RANBP2: variants seen among roughly 807,000 people sequenced by gnomAD.
RANBP2 encodes the protein E3 SUMO-protein ligase RanBP2.
RANBP2 carries 57 observed loss-of-function variants against 303.6 expected under a neutral mutation model. That is an observed-to-expected ratio of 0.19 (90% CI 0.15 to 0.23). The LOEUF is 0.23. RANBP2 is among the 10% of genes least tolerant of loss of function. The pLI is 1.00. For missense variants in RANBP2, 3,138 were observed against 3,780.8 expected, an observed-to-expected ratio of 0.83 and a Z score of 4.46; for synonymous variants, 1,167 against 1,301.5, an observed-to-expected ratio of 0.90 and a Z score of 2.23.
At chr2:109,302,937 C>G in the RANBP2 span, among the ~76,000 whole-genome samples, 1 of 152,092 alleles carries the variant, frequency 6.6e-6, no homozygotes, top group African/African-American at 2.4e-5. Flanking sequence ...AGTGCAGTGG[C>G]ATGATCTTAG....
the RANBP2 span, among the ~76,000 whole-genome samples, chr2:109,264,008 C>T: frequency 1.3e-5 from 2 of 152,196 alleles, no homozygotes; most frequent in Non-Finnish European, 2.9e-5. Context: ...AAGTCATTCC[C>T]TGGTCAGGAC....
Position 108,765,556 on chromosome 2 carries a change from G to A in RANBP2, c.5017G>A (p.Val1673Met). ...TKKEGQWDCS[V>M]CLVRNEASAT... is the part of the protein sequence containing the mutation. ...GAAGGAGGGACAGTGGGATTGCAGT[G>A]TGTGCTTAGTAAGAAATGAAGCCAG... is the stretch of plus-strand genomic sequence containing the variant. Residue 1673 changes from valine to methionine, a missense_variant, in exon 20 of 29, where the codon GTG (valine) becomes ATG (methionine). Val to Met is a conservative substitution (Grantham distance 21). Around this residue, in one of 20 missense-constraint regions of RANBP2, gnomAD observed 51 missense variants for 112.1 expected, o/e 0.45. Coordinates refer to ENST00000283195, the MANE Select transcript of RANBP2 (RefSeq NM_006267.5). 6.5e-7 allele frequency: 1 copy of A among 1,540,866 alleles called. No individual in the cohort carries two copies. Among genetic ancestry groups the A allele is most frequent in the Non-Finnish European group, 8.7e-7 (1 of 1,147,728 alleles).
the RANBP2 span, among the ~76,000 whole-genome samples, chr2:109,413,463 A>C: frequency 6.6e-6 from 1 of 152,098 alleles, no homozygotes; most frequent in Non-Finnish European, 1.5e-5. Context: ...CCGGGGCTAC[A>C]GGCTTTTTTT....
At chr2:109,179,265 G>A in the RANBP2 span, among the ~76,000 whole-genome samples, 955 of 152,232 alleles carry the variant, frequency 6.3e-3, 15 homozygotes, top group African/African-American at 0.02. Flanking sequence ...TGATTCTGGA[G>A]GTGATGGCCA....
At chr2:109,701,467 A>C in the RANBP2 span, among the ~76,000 whole-genome samples, 2 of 152,182 alleles carry the variant, frequency 1.3e-5, no homozygotes, top group Non-Finnish European at 2.9e-5. Flanking sequence ...GTAAGTCAGG[A>C]AGTGGGGGGC....
the RANBP2 span, among the ~76,000 whole-genome samples, chr2:108,954,910 C>T: frequency 6.6e-6 from 1 of 152,112 alleles, no homozygotes; most frequent in Non-Finnish European, 1.5e-5. Flanking sequence ...CCTTGAACTC[C>T]TGACCTCAGG....
At chr2:109,129,521 C>T in the RANBP2 span, 100,345 of 1,496,130 alleles carry the variant, frequency 0.067, 3,679 homozygotes, top group East Asian at 0.12. Flanking sequence ...CCGCGCGAGA[C>T]CGCTGCGGGC....
chr2:108,735,686 A>G lies in RANBP2; in HGVS notation c.560A>G (p.His187Arg), dbSNP rs2693122. 1.1e-4 allele frequency: 177 copies of G among 1,597,436 alleles called. No individual in the cohort carries two copies. The highest frequency in any genetic ancestry group is 2.2e-4 in the Middle Eastern group (1 of 4,450). Reference sequence around the variant, plus strand: ...AAAAGATTGAAGGATGCTGTGGCCCACTGCCATGAGGCAGAGAGGAACATA... The same window carrying G: ...AAAAGATTGAAGGATGCTGTGGCCCGCTGCCATGAGGCAGAGAGGAACATA... ...STKRLKDAVAHCHEAERNIAL... is the reference protein window; with the variant it reads ...STKRLKDAVARCHEAERNIAL... The change falls in exon 5 of 29, where the codon CAC becomes CGC. Residue 187 changes from histidine (H) to arginine (R), a missense_variant. Around this residue, in one of 20 missense-constraint regions of RANBP2, gnomAD observed 306 missense variants for 381.9 expected, o/e 0.80. Coordinates refer to ENST00000283195, the MANE Select transcript of RANBP2 (RefSeq NM_006267.5).
chr2:109,113,792 C>A, the RANBP2 span, among the ~76,000 whole-genome samples: 427 of 148,610 alleles, frequency 2.9e-3, 3 homozygotes, highest in African/African-American at 0.01. Flanking sequence ...AGCTCTTATT[C>A]TTTTGAGATA....
chr2:109,682,673 C>G, the RANBP2 span, among the ~76,000 whole-genome samples: 1,259 of 152,270 alleles, frequency 8.3e-3, 48 homozygotes, highest in East Asian at 0.11. Flanking sequence ...GGTGTGATGG[C>G]TCATATCTGT....
chr2:109,271,766 T>G, the RANBP2 span, among the ~76,000 whole-genome samples: 1 of 152,250 alleles, frequency 6.6e-6, no homozygotes, highest in African/African-American at 2.4e-5. Context: ...TGGACTTTTG[T>G]GGTATCAGTA....
At chr2:109,508,594 C>A in the RANBP2 span, among the ~76,000 whole-genome samples, 1 of 151,686 alleles carries the variant, frequency 6.6e-6, no homozygotes, top group Non-Finnish European at 1.5e-5. Context: ...AGAAAGAACT[C>A]TTTATTTGGA....
At chr2:109,158,657 C>G in the RANBP2 span, among the ~76,000 whole-genome samples, 1 of 152,192 alleles carries the variant, frequency 6.6e-6, no homozygotes. Context: ...GAGAGCATCC[C>G]TATTTCTTCT....
the RANBP2 span, among the ~76,000 whole-genome samples, chr2:109,246,775 G>A: frequency 6.6e-5 from 10 of 152,250 alleles, no homozygotes; most frequent in Non-Finnish European, 1.2e-4. Flanking sequence ...TGAGCCTGGA[G>A]AGCCTCGCTT....
At chr2:109,545,848 A>C in the RANBP2 span, 2 of 1,439,070 alleles carry the variant, frequency 1.4e-6, no homozygotes, top group African/African-American at 1.4e-5. Context: ...TGAACACATA[A>C]CATGTGCCAG....
the RANBP2 span, among the ~76,000 whole-genome samples, chr2:109,072,767 A>G: frequency 6.6e-6 from 1 of 152,152 alleles, no homozygotes; most frequent in Non-Finnish European, 1.5e-5. Context: ...GATGAAATGG[A>G]CCACACATCT....
chr2:109,217,560 G>A, the RANBP2 span, among the ~76,000 whole-genome samples: 7 of 152,168 alleles, frequency 4.6e-5, no homozygotes, highest in Non-Finnish European at 1.0e-4. Context: ...GCTTCCGGCA[G>A]ATTTTTCTCT....
intron 20 of RANBP2, 29 bp from the exon 21 acceptor site, chr2:108,771,672 T>C (rs1431094953): frequency 1.2e-6 from 2 of 1,608,314 alleles, no homozygotes; most frequent in African/African-American, 2.7e-5. Flanking sequence ...ATACCTTATC[T>C]TTGTCAATTT....
the RANBP2 span, among the ~76,000 whole-genome samples, chr2:108,937,491 G>C: frequency 6.6e-6 from 1 of 151,952 alleles, no homozygotes; most frequent in Non-Finnish European, 1.5e-5. Flanking sequence ...ATAAGAGTAT[G>C]TGTATGTGTA....
Sources: allele counts gnomAD v4.1 joint callset (sites outside exome capture counted in the v4.1 genomes callset), GRCh38; gene constraint gnomAD v4.1.1; regional missense constraint gnomAD v4.1.1; transcripts MANE v1.5; gene names NCBI Gene and HGNC (gene_info 2026-07-23, HGNC 2026-07-21).